MYOM2: variants seen among roughly 807,000 people sequenced by gnomAD.
MYOM2 encodes myomesin 2, also known as myomesin-2.
In MYOM2, 254 loss-of-function variants were observed where a neutral mutation model predicts 187.6. The observed-to-expected ratio is 1.35, with a 90% CI of 1.22 to 1.50. The LOEUF (loss-of-function observed/expected upper bound fraction) is 1.50, where lower values mean the gene tolerates loss of function less well. MYOM2 is among the 40% of genes most tolerant of loss of function. The probability of loss-of-function intolerance (pLI) is 0.00; values close to 1 mark genes in which losing one functional copy is unlikely to be tolerated. For synonymous variants in MYOM2, 981 were observed against 753.8 expected (o/e 1.30, Z -4.94); for missense variants, 2,796 against 1,924.0 (o/e 1.45, Z -8.48).
chr8:2,079,556 G>C lies in MYOM2; in HGVS notation c.1463-4G>C, dbSNP rs1428051732. On this transcript the variant is annotated splice_polypyrimidine_tract_variant and splice_region_variant and intron_variant, in intron 12 of 36. Transcript: ENST00000262113. ...AAATCGAGTGTCAACCTTTCTCTCCGCAGCCGTTCATTTGGAGGGAGAGAA... is the reference window on the plus strand; with the variant it reads ...AAATCGAGTGTCAACCTTTCTCTCCCCAGCCGTTCATTTGGAGGGAGAGAA... 1.2e-6 allele frequency: 2 copies of C among 1,613,988 alleles called. No individual in the cohort carries two copies. Among genetic ancestry groups the C allele is most frequent in the African/African-American group, 1.3e-5 (1 of 75,010 alleles).
At chr8:2,068,897 T>C (rs1316696646) in intron 6 of MYOM2, among the ~76,000 whole-genome samples, 1 of 152,216 alleles carries the variant, frequency 6.6e-6, no homozygotes, top group East Asian at 1.9e-4. Context: ...CTGGTTCTGC[T>C]GGAGCTTGAG....
At chr8:2,096,208 T>G in intron 17 of MYOM2, 39 bp from the exon 18 acceptor site, 6 of 1,590,432 alleles carry the variant, frequency 3.8e-6, no homozygotes, top group South Asian at 1.1e-5. Flanking sequence ...AGCCCCCAGC[T>G]GAGGCCCTCG....
chr8:2,084,283 C>T (rs1367308398), intron 13 of MYOM2, among the ~76,000 whole-genome samples: 1 of 152,216 alleles, frequency 6.6e-6, no homozygotes, highest in Non-Finnish European at 1.5e-5. Flanking sequence ...ATGAGCCCAG[C>T]TCAGCCTGCG....
intron 32 of MYOM2, 24 bp from the exon 33 acceptor site, chr8:2,140,699 T>C (rs949528968): frequency 2.5e-6 from 4 of 1,612,076 alleles, no homozygotes; most frequent in Non-Finnish European, 3.4e-6. Context: ...CTAACTCAGA[T>C]ACGTTCCTGT....
At chr8:2,091,599 C>T (rs763687942) in intron 15 of MYOM2, among the ~76,000 whole-genome samples, 6 of 152,264 alleles carry the variant, frequency 3.9e-5, no homozygotes, top group East Asian at 1.9e-4. Flanking sequence ...AAGCCAGATA[C>T]GGAAATGAAC....
At chr8:2,117,083 T>C (rs1421710103) in intron 27 of MYOM2, among the ~76,000 whole-genome samples, 1 of 152,208 alleles carries the variant, frequency 6.6e-6, no homozygotes, top group African/African-American at 2.4e-5. Context: ...TTTTTATATA[T>C]GGGATTTCTG....
chr8:2,140,140 C>T (rs550168638), intron 32 of MYOM2, among the ~76,000 whole-genome samples: 21 of 152,250 alleles, frequency 1.4e-4, no homozygotes, highest in Admixed American at 2.6e-4. Flanking sequence ...ACCCTAAGCC[C>T]TTCATAGGAG....
In MYOM2 at chr8:2,106,345, C is replaced by G. The variant is rs560428611; in HGVS notation, c.2838C>G (p.Ser946=). 2 of 1,614,184 alleles carry G rather than the reference C, an allele frequency of 1.2e-6. No individual in the cohort carries two copies. Among genetic ancestry groups the G allele is most frequent in the East Asian group, 2.2e-5 (1 of 44,886 alleles). The change falls in exon 22 of 37, where the codon TCC becomes TCG. Residue 946 remains serine (S), a synonymous_variant. Transcript: ENST00000262113. ...TDASQFTWCK[S]YEEISDDERF... Reference sequence around the variant, plus strand: ...CGTCTCAGTTCACCTGGTGTAAATCCTACGAGGAGATTTCAGATGATGAGA... The same window carrying G: ...CGTCTCAGTTCACCTGGTGTAAATCGTACGAGGAGATTTCAGATGATGAGA...
At chr8:2,108,005 A>C (rs1478226115) in intron 23 of MYOM2, among the ~76,000 whole-genome samples, 1 of 152,254 alleles carries the variant, frequency 6.6e-6, no homozygotes, top group Admixed American at 6.5e-5. Context: ...TCCTACCAGA[A>C]GGTTGAACTG....
At chr8:2,143,535 G>A in intron 36 of MYOM2, 79 bp downstream of exon 36, 1 of 1,567,250 alleles carries the variant, frequency 6.4e-7, no homozygotes. Flanking sequence ...GGGCGGAGCA[G>A]AGGGAACCCA....
At chr8:2,083,467 C>T (rs113331180) in intron 13 of MYOM2, among the ~76,000 whole-genome samples, 8 of 151,890 alleles carry the variant, frequency 5.3e-5, no homozygotes, top group South Asian at 2.1e-4. Flanking sequence ...ATGTGCTTAG[C>T]ACCATCTCGC....
intron 10 of MYOM2, among the ~76,000 whole-genome samples, chr8:2,074,107 T>G (rs1458053038): frequency 2.0e-5 from 3 of 152,204 alleles, no homozygotes; most frequent in Admixed American, 2.0e-4. Flanking sequence ...GAAGCTTCAC[T>G]CATTCCATTT....
intron 17 of MYOM2, 71 bp from the exon 18 acceptor site, chr8:2,096,176 G>C (rs1796475846): frequency 7.4e-6 from 11 of 1,488,884 alleles, no homozygotes; most frequent in Non-Finnish European, 9.2e-6. Context: ...TGCCACACTG[G>C]AGCTGGCTGC....
At chr8:2,134,707 C>G (rs983568897) in intron 32 of MYOM2, among the ~76,000 whole-genome samples, 2 of 152,198 alleles carry the variant, frequency 1.3e-5, no homozygotes, top group Non-Finnish European at 2.9e-5. Context: ...TGAGCTGTTA[C>G]TTTGCTCAAA....
At position 2,140,746 on chromosome 8, in the gene MYOM2, A is replaced by G; in HGVS notation, c.3824A>G (p.Glu1275Gly). 1 of 1,614,016 alleles carries G rather than the reference A, an allele frequency of 6.2e-7. No homozygotes were observed. The highest frequency in any genetic ancestry group is 8.5e-7 in the Non-Finnish European group (1 of 1,179,970). Residue 1275 changes from glutamate to glycine, a missense_variant, in exon 33 of 37, where the codon GAG becomes GGG. Physicochemically the swap from Glu to Gly is moderately conservative, Grantham distance 98. Transcript: ENST00000262113. ...CHKDAKISSS[E>G]HMRIGGSEEM... Reference sequence around the variant, plus strand: ...AGAGATGCTAAGATCTCATCCAGTGAGCATATGAGAATCGGGGGGAGTGAA... The same window carrying G: ...AGAGATGCTAAGATCTCATCCAGTGGGCATATGAGAATCGGGGGGAGTGAA...
At chr8:2,072,277 C>A in intron 8 of MYOM2, 68 bp from the exon 9 acceptor site, 1 of 1,253,882 alleles carries the variant, frequency 8.0e-7, no homozygotes, top group Non-Finnish European at 1.0e-6. Flanking sequence ...GCCCTTCGGC[C>A]ATGAAAGCCT....
intron 6 of MYOM2, among the ~76,000 whole-genome samples, chr8:2,066,138 G>A (rs185639299): frequency 3.7e-4 from 57 of 152,298 alleles, no homozygotes; most frequent in East Asian, 1.4e-3. Context: ...GGGACAGCCC[G>A]TGCCCTGGTC....
chr8:2,118,338 C>G (rs1052465036), intron 28 of MYOM2, among the ~76,000 whole-genome samples: 1 of 152,092 alleles, frequency 6.6e-6, no homozygotes, highest in African/African-American at 2.4e-5. Flanking sequence ...CTTTCAGTTT[C>G]GTTTAACAAT....
intron 28 of MYOM2, among the ~76,000 whole-genome samples, chr8:2,120,037 C>T (rs1478258391): frequency 6.6e-6 from 1 of 152,114 alleles, no homozygotes; most frequent in Admixed American, 6.5e-5. Context: ...GTGATTGCCA[C>T]TGAAGGAGGC....
Sources: gnomAD v4.1 joint callset for allele counts (sites outside exome capture counted in the v4.1 genomes callset) on GRCh38, gnomAD v4.1.1 for gene constraint, MANE v1.5 for transcripts, NCBI Gene and HGNC (gene_info 2026-07-23, HGNC 2026-07-21) for gene names.